PCDHGA2: variants seen among roughly 807,000 people sequenced by gnomAD.
PCDHGA2 encodes protocadherin gamma subfamily A, 2, also known as protocadherin gamma-A2.
In PCDHGA2, 40 loss-of-function variants were observed where a neutral mutation model predicts 59.2. The observed-to-expected ratio is 0.68, with a 90% CI of 0.52 to 0.88. PCDHGA2 has a LOEUF of 0.88. Among genes scored for constraint, PCDHGA2 ranks in the 40% least tolerant of loss-of-function variants. The pLI is 0.00. For synonymous variants in PCDHGA2, 560 were observed against 526.0 expected, an observed-to-expected ratio of 1.06 and a Z score of -0.89; for missense variants, 1,226 against 1,204.0, an observed-to-expected ratio of 1.02 and a Z score of -0.27.
rs1561852927 is a variant in PCDHGA2, at chr5:141,431,472, A to G, written c.2425-63335A>G. On this transcript the variant is annotated intron_variant, in intron 1 of 3. Coordinates refer to ENST00000394576, the MANE Select transcript of PCDHGA2 (RefSeq NM_018915.4). The surrounding 1 kb of genome is among the most constrained non-coding windows in gnomAD (Gnocchi z 4.8). The stretch of plus-strand genomic sequence containing the variant: ...GTGATGGTTCTGGATGCGAACGACA[A>G]CGCACCAGCGTTTGCTCAGCCCGAG... 6.2e-7 allele frequency: 1 copy of G among 1,613,784 alleles called. No individual in the cohort carries two copies. The highest frequency in any genetic ancestry group is 8.5e-7 in the Non-Finnish European group (1 of 1,179,948).
chr5:141,354,460 C>T (rs1759547472), intron 1 of PCDHGA2, among the ~76,000 whole-genome samples: 2 of 152,210 alleles, frequency 1.3e-5, no homozygotes, highest in African/African-American at 4.8e-5. Context: ...TTGTCAATCT[C>T]ATTTGTACAG....
intron 1 of PCDHGA2, among the ~76,000 whole-genome samples, chr5:141,453,996 C>T (rs2098779349): frequency 6.6e-6 from 1 of 152,128 alleles, no homozygotes; most frequent in Admixed American, 6.6e-5. Context: ...GTGATAAACC[C>T]ACATAACATT....
At chr5:141,508,440 T>C (rs2099868879) in intron 3 of PCDHGA2, among the ~76,000 whole-genome samples, 1 of 152,186 alleles carries the variant, frequency 6.6e-6, no homozygotes, top group African/African-American at 2.4e-5. Context: ...CACAGTTCCT[T>C]AGTGGCAGAG....
In PCDHGA2 at chr5:141,364,898, A is replaced by T. The variant is rs201286149; in HGVS notation, c.2424+23503A>T. The T allele has an allele frequency of 1.1e-5, 18 of 1,613,800 alleles. No individual in the cohort carries two copies. In the African/African-American group the frequency reaches 2.1e-4, roughly 19 times the overall value. On this transcript the variant is annotated intron_variant, in intron 1 of 3. Transcript: ENST00000394576. ...TGTGGTAAGCGGAACTGATGGACAA[A>T]AGTATCCGGAGCTGGTGTTGGAACA...
At position 141,409,480 on chromosome 5, in the gene PCDHGA2, CAG is replaced by C. The variant is rs761811893; in HGVS notation, c.2424+68086_2424+68087del. 9 of 1,614,002 alleles carry C rather than the reference CAG, an allele frequency of 5.6e-6. No homozygotes were observed. In the Admixed American group the frequency reaches 8.3e-5, roughly 15 times the overall value. On this transcript the variant is annotated intron_variant, in intron 1 of 3. Transcript: ENST00000394576. ...ACAATGTCACCATCGTAGCCACTGA[CAG>C]GGGCAAGCCGCCTCTTTCTTCCAGT...
chr5:141,441,343 C>T (rs2098240806), intron 1 of PCDHGA2: 1 of 152,368 alleles, frequency 6.6e-6, no homozygotes, highest in African/African-American at 2.4e-5. Flanking sequence ...TAATTAACTA[C>T]ATGCTTGTAA....
chr5:141,372,977 T>G, intron 1 of PCDHGA2: 1 of 661,716 alleles, frequency 1.5e-6, no homozygotes, highest in Non-Finnish European at 2.5e-6. Flanking sequence ...CTGTAGAATA[T>G]CTGTGTTGCA....
Position 141,432,794 on chromosome 5 carries a change from G to C in PCDHGA2, c.2425-62013G>C. 3 of 1,614,138 alleles carry C rather than the reference G, an allele frequency of 1.9e-6. No homozygotes were observed. The highest frequency in any genetic ancestry group is 1.7e-5 in the Admixed American group (1 of 60,026). ...AGTCCTGGCGGACCTCGGCAGCCTC[G>C]AGTCTCCAGCTAACTCTGAAACCTC... On this transcript the variant is annotated intron_variant, in intron 1 of 3. Coordinates refer to ENST00000394576, the MANE Select transcript of PCDHGA2 (RefSeq NM_018915.4). The surrounding 1 kb of genome is among the most constrained non-coding windows in gnomAD (Gnocchi z 6.0).
intron 1 of PCDHGA2, chr5:141,399,280 G>T (rs750453381): frequency 6.2e-7 from 1 of 1,613,836 alleles, no homozygotes; most frequent in Non-Finnish European, 8.5e-7. Flanking sequence ...ATTACAAGGC[G>T]AAGTCCCTTT....
At chr5:141,384,030 A>G (rs1246971074) in intron 1 of PCDHGA2, 2 of 1,613,466 alleles carry the variant, frequency 1.2e-6, no homozygotes, top group Non-Finnish European at 1.7e-6. Flanking sequence ...GAGATTCTGG[A>G]AAGAATGGTG....
intron 1 of PCDHGA2, chr5:141,415,561 T>C (rs11575963): frequency 0.067 from 108,836 of 1,614,090 alleles, 4,260 homozygotes; most frequent in Non-Finnish European, 0.077. Context: ...CGATCCTTTG[T>C]CTTTGTTAGA....
intron 1 of PCDHGA2, among the ~76,000 whole-genome samples, chr5:141,454,239 A>T (rs1221886368): frequency 6.6e-6 from 1 of 152,200 alleles, no homozygotes; most frequent in Non-Finnish European, 1.5e-5. Context: ...GATGAAAAGG[A>T]TGAAGATGTC....
intron 1 of PCDHGA2, chr5:141,405,033 T>C (rs753061273): frequency 6.8e-6 from 11 of 1,613,844 alleles, no homozygotes; most frequent in Admixed American, 1.7e-5. Context: ...CTCTACCTCG[T>C]TGTGGCTGTG....
chr5:141,459,548 C>G (rs980305784), intron 1 of PCDHGA2, among the ~76,000 whole-genome samples: 2 of 152,036 alleles, frequency 1.3e-5, no homozygotes, highest in African/African-American at 4.8e-5. Flanking sequence ...TTTTATTTCT[C>G]TTGGATAAAT....
Position 141,339,031 on chromosome 5 carries a change from G to T in PCDHGA2, c.60G>T (p.Leu20Phe). The change falls in exon 1 of 4, where the codon TTG (leucine) becomes TTT (phenylalanine). Residue 20 changes from leucine (L) to phenylalanine (F), a missense_variant. By Grantham distance (22) the Leu-to-Phe change is conservative. Transcript: ENST00000394576. Reference protein sequence around the residue: ...CRKLVLLCFLLATLWEARAGQ... With the variant: ...CRKLVLLCFLFATLWEARAGQ... ...AGCTGGTCCTGCTGTGCTTCCTTTTGGCGACCCTGTGGGAGGCCAGGGCCG... is the reference window on the plus strand; with the variant it reads ...AGCTGGTCCTGCTGTGCTTCCTTTTTGCGACCCTGTGGGAGGCCAGGGCCG... 1 of 1,596,114 alleles carries T rather than the reference G, an allele frequency of 6.3e-7. No individual in the cohort carries two copies. The highest frequency in any genetic ancestry group is 8.6e-7 in the Non-Finnish European group (1 of 1,167,982).
chr5:141,364,495 G>A, intron 1 of PCDHGA2: 2 of 1,614,036 alleles, frequency 1.2e-6, no homozygotes, highest in Non-Finnish European at 1.7e-6. Flanking sequence ...TTGGGCTGGA[G>A]CCCCAGGAGC....
chr5:141,512,917 T>C lies in PCDHGA2; in HGVS notation c.*1744T>C, dbSNP rs543880225. On this transcript the variant is annotated 3_prime_UTR_variant, in exon 4 of 4. Transcript: ENST00000394576. ...TGTGTCTCACGCAAGTTTTATACTCTAATATTTATATGGCTTTTTTTCTTC... is the reference window on the plus strand; with the variant it reads ...TGTGTCTCACGCAAGTTTTATACTCCAATATTTATATGGCTTTTTTTCTTC... The C allele has an allele frequency of 1.3e-5, 2 of 152,378 alleles. No individual in the cohort carries two copies. Among genetic ancestry groups the C allele is most frequent in the African/African-American group, 2.4e-5 (1 of 41,588 alleles). The allele number at this position is 152,378 out of a possible 1,614,324, so 9.4% of individuals were successfully genotyped here.
intron 1 of PCDHGA2, chr5:141,379,293 A>G (rs1451053160): frequency 6.6e-6 from 1 of 152,248 alleles, no homozygotes; most frequent in Non-Finnish European, 1.5e-5. Context: ...CAAGTTTCCA[A>G]AGGTATATAC....
intron 1 of PCDHGA2, chr5:141,408,785 T>C: frequency 6.2e-7 from 1 of 1,612,308 alleles, no homozygotes; most frequent in Non-Finnish European, 8.5e-7. Context: ...CCCAGAGTTA[T>C]CTCTGGAGAA....
Sources: gnomAD v4.1 joint callset for allele counts (sites outside exome capture counted in the v4.1 genomes callset) on GRCh38, gnomAD v4.1.1 for gene constraint, Gnocchi (gnomAD v3.1) non-coding constraint, MANE v1.5 for transcripts, NCBI Gene and HGNC (gene_info 2026-07-23, HGNC 2026-07-21) for gene names.